CBLB: variants seen among roughly 807,000 people sequenced by gnomAD.
CBLB encodes E3 ubiquitin-protein ligase CBL-B.
Under a neutral mutation model 104.9 loss-of-function variants are expected in CBLB, and 31 were observed. The observed-to-expected ratio is 0.30, with a 90% CI of 0.22 to 0.40. The LOEUF (loss-of-function observed/expected upper bound fraction) is 0.40. Ranked by LOEUF, CBLB falls within the 10% of genes least tolerant of loss-of-function variation. The pLI is 1.00. For synonymous variants in CBLB, 440 were observed against 422.6 expected (o/e 1.04, Z -0.51); for missense variants, 1,062 against 1,214.6 (o/e 0.87, Z 1.87).
chr3:105,704,156 G>A lies in CBLB; in HGVS notation c.1425C>T (p.Asn475=). 1 of 1,614,020 alleles carries A rather than the reference G, an allele frequency of 6.2e-7. No individual in the cohort carries two copies. Among genetic ancestry groups the A allele is most frequent in the Non-Finnish European group, 8.5e-7 (1 of 1,179,896 alleles). Reference sequence around the variant, plus strand: ...AGGATCCTGGTGATGTGACTGGTGAGTTCTGCCTGTCAGTGCACTAGAACA... The same window carrying A: ...AGGATCCTGGTGATGTGACTGGTGAATTCTGCCTGTCAGTGCACTAGAACA... ...ANVRKCTDRQ[N]SPVTSPGSSP... Residue 475 remains asparagine, a synonymous_variant, in exon 11 of 19, where the codon AAC becomes AAT. Coordinates refer to ENST00000394030, the MANE Select transcript of CBLB (RefSeq NM_170662.5).
chr3:105,813,126 G>A (rs1471114293), intron 3 of CBLB, among the ~76,000 whole-genome samples: 1 of 152,010 alleles, frequency 6.6e-6, no homozygotes, highest in East Asian at 1.9e-4. Flanking sequence ...GCAAACAAAA[G>A]AAGGAAACAA....
At chr3:105,827,713 C>T (rs1044903077) in intron 3 of CBLB, among the ~76,000 whole-genome samples, 1 of 152,168 alleles carries the variant, frequency 6.6e-6, no homozygotes, top group Non-Finnish European at 1.5e-5. Context: ...AGAGACAGCA[C>T]TCTGTTTACG....
rs1225806950 is a variant in CBLB, at chr3:105,656,013, G to A, written c.*2957C>T. ...AAGACTATTTGCAATGTGGGCAAAA[G>A]GGAAACAGAGAGGGAAGAGCTGAAG... On this transcript the variant is annotated 3_prime_UTR_variant, in exon 19 of 19. Transcript: ENST00000394030. 4.4e-6 allele frequency: 1 copy of A among 228,060 alleles called. No individual in the cohort carries two copies. The highest frequency in any genetic ancestry group is 8.7e-6 in the Non-Finnish European group (1 of 114,878). 14.1% of individuals were successfully genotyped at this position (228,060 alleles called of 1,614,324 possible).
chr3:105,681,988 A>C (rs1003832002), intron 14 of CBLB, 170 bp from the exon 15 acceptor site: 49 of 598,522 alleles, frequency 8.2e-5, no homozygotes, highest in African/African-American at 7.8e-4. Flanking sequence ...CCTTATTTTA[A>C]AATGTAGAAG....
chr3:105,665,476 C>CAT (rs1434165516), intron 18 of CBLB, among the ~76,000 whole-genome samples: 15 of 142,266 alleles, frequency 1.1e-4, no homozygotes, highest in African/African-American at 2.6e-4. Context: ...CACACACACA[C>CAT]ACATATATAT....
chr3:105,783,012 C>T (rs114790527), intron 3 of CBLB, among the ~76,000 whole-genome samples: 1,915 of 152,272 alleles, frequency 0.013, 40 homozygotes, highest in African/African-American at 0.044. Flanking sequence ...TTACAAATGC[C>T]TTACTTAAAA....
At chr3:105,859,897 CT>C (rs1309379975) in intron 2 of CBLB, among the ~76,000 whole-genome samples, 4 of 151,898 alleles carry the variant, frequency 2.6e-5, no homozygotes, top group Admixed American at 1.3e-4. Context: ...TAAAAATACA[CT>C]TTTTTAATAG....
chr3:105,756,382 C>G (rs2077087148), intron 4 of CBLB, among the ~76,000 whole-genome samples: 1 of 151,954 alleles, frequency 6.6e-6, no homozygotes, highest in South Asian at 2.1e-4. Flanking sequence ...ATAATGCTAT[C>G]TAAAAGTCCC....
At chr3:105,847,929 C>CT (rs1257812450) in intron 3 of CBLB, among the ~76,000 whole-genome samples, 1 of 152,116 alleles carries the variant, frequency 6.6e-6, no homozygotes, top group Non-Finnish European at 1.5e-5. Flanking sequence ...GCCACTAAAA[C>CT]TTTAAGTAAT....
chr3:105,703,616 C>T (rs1157718206), intron 11 of CBLB, among the ~76,000 whole-genome samples: 1 of 152,240 alleles, frequency 6.6e-6, no homozygotes, highest in East Asian at 1.9e-4. Flanking sequence ...CAAATATACT[C>T]CCATCACATT....
At chr3:105,815,741 T>C (rs939527563) in intron 3 of CBLB, among the ~76,000 whole-genome samples, 2 of 152,138 alleles carry the variant, frequency 1.3e-5, no homozygotes, top group Non-Finnish European at 2.9e-5. Context: ...TAAAGACACA[T>C]GCACACATGT....
At chr3:105,763,142 G>C (rs1166994012) in intron 4 of CBLB, among the ~76,000 whole-genome samples, 1 of 152,176 alleles carries the variant, frequency 6.6e-6, no homozygotes, top group Non-Finnish European at 1.5e-5. Context: ...ATTTCCCAGT[G>C]CCTGTATCCC....
chr3:105,769,615 C>G (rs3772514), intron 4 of CBLB, among the ~76,000 whole-genome samples: 1 of 151,844 alleles, frequency 6.6e-6, no homozygotes, highest in Non-Finnish European at 1.5e-5. Flanking sequence ...ATGCAACATA[C>G]GAAAACAAAG....
chr3:105,867,141 C>T (rs199766317), intron 2 of CBLB, among the ~76,000 whole-genome samples: 16 of 152,230 alleles, frequency 1.1e-4, no homozygotes, highest in African/African-American at 3.6e-4. Context: ...CATACACCAA[C>T]AAAAAGCAGC....
chr3:105,807,548 ATAATT>A (rs1438806049), intron 3 of CBLB, among the ~76,000 whole-genome samples: 1 of 152,234 alleles, frequency 6.6e-6, no homozygotes, highest in African/African-American at 2.4e-5. Flanking sequence ...AGAAACACAT[ATAATT>A]TAATGGAAAA....
At chr3:105,781,228 G>C (rs1375811917) in intron 3 of CBLB, among the ~76,000 whole-genome samples, 2 of 152,166 alleles carry the variant, frequency 1.3e-5, no homozygotes, top group African/African-American at 2.4e-5. Flanking sequence ...AAAATGGTAT[G>C]AATCAATTTC....
intron 5 of CBLB, among the ~76,000 whole-genome samples, chr3:105,747,842 A>G (rs1260711398): frequency 2.0e-5 from 3 of 152,202 alleles, no homozygotes; most frequent in Non-Finnish European, 4.4e-5. Context: ...AACTTTATAG[A>G]GCACCAATGC....
chr3:105,682,136 G>C (rs1249781438), intron 14 of CBLB: 2 of 259,852 alleles, frequency 7.7e-6, no homozygotes, highest in African/African-American at 2.3e-5. Context: ...ACCTGGTCAA[G>C]TTTTTGAAGT....
At chr3:105,848,930 T>C (rs1373860254) in intron 3 of CBLB, among the ~76,000 whole-genome samples, 3 of 152,164 alleles carry the variant, frequency 2.0e-5, no homozygotes, top group Non-Finnish European at 2.9e-5. Context: ...TTGTTTTGCT[T>C]ATGTAGAAAC....
Sources: gnomAD v4.1 joint callset for allele counts (sites outside exome capture counted in the v4.1 genomes callset) on GRCh38, gnomAD v4.1.1 for gene constraint, MANE v1.5 for transcripts, NCBI Gene and HGNC (gene_info 2026-07-23, HGNC 2026-07-21) for gene names.